ZNF846: variants seen among roughly 807,000 people sequenced by gnomAD.
ZNF846 encodes the protein zinc finger protein 846.
Under a neutral mutation model 16.0 loss-of-function variants are expected in ZNF846, and 15 were observed. The observed-to-expected ratio is 0.94, with a 90% CI of 0.63 to 1.45. ZNF846 has a LOEUF of 1.45. Ranked by LOEUF, ZNF846 falls within the 40% of genes most tolerant of loss-of-function variation. ZNF846 has a pLI of 0.00. For synonymous variants in ZNF846, 229 were observed against 212.0 expected, an observed-to-expected ratio of 1.08 and a Z score of -0.70; for missense variants, 714 against 622.3, an observed-to-expected ratio of 1.15 and a Z score of -1.57.
At chr19:9,772,014 C>G (rs1205059995), upstream of ZNF846, among the ~76,000 whole-genome samples, 2 of 152,098 alleles carry the variant, frequency 1.3e-5, no homozygotes, top group African/African-American at 4.8e-5. Context: ...GATCCACCCA[C>G]CTCAGCCTCC....
chr19:9,751,537 C>A (rs1416099715), downstream of ZNF846, among the ~76,000 whole-genome samples: 5 of 152,090 alleles, frequency 3.3e-5, no homozygotes, highest in Non-Finnish European at 7.3e-5. Flanking sequence ...AACATTCCTC[C>A]CCACCCTTGT....
intron 3 of ZNF846, 101 bp downstream of exon 3, chr19:9,763,181 C>G: frequency 8.9e-7 from 1 of 1,121,824 alleles, no homozygotes; most frequent in Non-Finnish European, 1.2e-6. Flanking sequence ...TGGCCAAGGT[C>G]CATGCCTGTC....
chr19:9,758,175 G>A, exon 6 of ZNF846: 1 of 1,612,826 alleles, frequency 6.2e-7, no homozygotes. Context: ...GTGGATTCTT[G>A]TATGATCAGT....
intron 1 of ZNF846, among the ~76,000 whole-genome samples, chr19:9,779,098 T>G (rs575368761): frequency 3.9e-5 from 6 of 152,194 alleles, no homozygotes; most frequent in Non-Finnish European, 7.3e-5. Flanking sequence ...AGGGTTAGAT[T>G]AATATCCACT....
chr19:9,772,458 G>A (rs960595487), upstream of ZNF846, among the ~76,000 whole-genome samples: 1 of 151,964 alleles, frequency 6.6e-6, no homozygotes, highest in Non-Finnish European at 1.5e-5. Context: ...AAATCAGCCA[G>A]GTGTGGTGGC....
At chr19:9,781,497 T>C (rs540788247) in intron 1 of ZNF846, among the ~76,000 whole-genome samples, 1 of 152,234 alleles carries the variant, frequency 6.6e-6, no homozygotes, top group South Asian at 2.1e-4. Flanking sequence ...TTATTATAAG[T>C]CTTGTCATAA....
At chr19:9,757,670 C>T (rs1010214593) in exon 6 of ZNF846, 4 of 1,613,254 alleles carry the variant, frequency 2.5e-6, no homozygotes, top group South Asian at 1.1e-5. Context: ...TGTGCGTTCG[C>T]ATGTGCATAT....
At chr19:9,757,479 G>A in exon 6 of ZNF846, 1 of 1,567,970 alleles carries the variant, frequency 6.4e-7, no homozygotes, top group Non-Finnish European at 8.6e-7. Context: ...AACACTTCAG[G>A]TTTTTTCACA....
upstream of ZNF846, among the ~76,000 whole-genome samples, chr19:9,769,331 C>T (rs2045368645): frequency 6.6e-6 from 1 of 152,156 alleles, no homozygotes; most frequent in Non-Finnish European, 1.5e-5. Flanking sequence ...ATCCTCCCCC[C>T]TCGGCCTCCC....
At chr19:9,780,032 A>G (rs2145316277) in intron 1 of ZNF846, among the ~76,000 whole-genome samples, 1 of 145,206 alleles carries the variant, frequency 6.9e-6, no homozygotes, top group African/African-American at 2.6e-5. Context: ...GCATGCCACC[A>G]TGCCCAGCTA....
chr19:9,760,785 T>G (rs2045213928), intron 4 of ZNF846, among the ~76,000 whole-genome samples: 1 of 151,474 alleles, frequency 6.6e-6, no homozygotes, highest in African/African-American at 2.4e-5. Context: ...ATGATTCCAT[T>G]TATATAAGAT....
chr19:9,757,024 T>C (rs762992152), downstream of ZNF846, among the ~76,000 whole-genome samples: 11 of 148,140 alleles, frequency 7.4e-5, no homozygotes, highest in Non-Finnish European at 1.2e-4. Flanking sequence ...TGAAACCCTG[T>C]CTCTACTAAA....
downstream of ZNF846, chr19:9,751,976 C>T (rs1053746410): frequency 6.6e-6 from 1 of 152,290 alleles, no homozygotes; most frequent in Non-Finnish European, 1.5e-5. Context: ...TGTAACATTA[C>T]TGTAAAATGA....
At chr19:9,752,904 T>G (rs1471242946), downstream of ZNF846, among the ~76,000 whole-genome samples, 2 of 148,320 alleles carry the variant, frequency 1.3e-5, no homozygotes, top group Non-Finnish European at 2.9e-5. Context: ...CAGGCTGCTA[T>G]AACAAAATAC....
At position 9,758,683 on chromosome 19, in the gene ZNF846, G is replaced by C; in HGVS notation, c.394C>G (p.His132Asp). ...TTCTCTCCAATGTGAGTTATCATGTGAGTCATAAGAAATGGGTGTTCATTG... is the reference window on the plus strand; with the variant it reads ...TTCTCTCCAATGTGAGTTATCATGTCAGTCATAAGAAATGGGTGTTCATTG... The change falls in exon 6 of 6, where the codon CAC becomes GAC. Residue 132 changes from histidine to aspartate, a missense_variant. By Grantham distance (81) the His-to-Asp change is moderately conservative (BLOSUM62 -1). Coordinates refer to ENST00000397902, the Ensembl canonical transcript of ZNF846. The C allele has an allele frequency of 1.2e-6, 2 of 1,611,870 alleles. 1 individual carries two copies. The highest frequency in any genetic ancestry group is 2.7e-5 in the African/African-American group (2 of 74,450).
intron 1 of ZNF846, among the ~76,000 whole-genome samples, chr19:9,779,496 G>A (rs1456604706): frequency 6.6e-6 from 1 of 151,482 alleles, no homozygotes; most frequent in Non-Finnish European, 1.5e-5. Context: ...TCAAACTCCC[G>A]ACCTCAGGTG....
At chr19:9,774,454 C>T (rs1381416624) in intron 1 of ZNF846, 4 of 750,286 alleles carry the variant, frequency 5.3e-6, no homozygotes, top group Non-Finnish European at 9.2e-6. Context: ...GGCAACAGAG[C>T]AAGACTCCGT....
At chr19:9,759,110 G>A (rs2145202685) in intron 5 of ZNF846, among the ~76,000 whole-genome samples, 1 of 151,844 alleles carries the variant, frequency 6.6e-6, no homozygotes, top group East Asian at 1.9e-4. Context: ...GGATTCTCAG[G>A]CCTCAGCCTC....
At chr19:9,759,221 C>A (rs1383031610) in intron 5 of ZNF846, among the ~76,000 whole-genome samples, 1 of 151,870 alleles carries the variant, frequency 6.6e-6, no homozygotes, top group Non-Finnish European at 1.5e-5. Flanking sequence ...TAGTCTCCAA[C>A]TCCTGGCCTC....
Sources: allele counts gnomAD v4.1 joint callset (sites outside exome capture counted in the v4.1 genomes callset), GRCh38; gene constraint gnomAD v4.1.1; transcripts MANE v1.5; gene names NCBI Gene and HGNC (gene_info 2026-07-23, HGNC 2026-07-21).